The following ATRNL1 variants were observed in gnomAD, a reference collection of about 807,000 sequenced individuals.
ATRNL1 encodes the protein attractin-like protein 1.
Under a neutral mutation model 182.7 loss-of-function variants are expected in ATRNL1, and 95 were observed. The ratio of observed to expected loss-of-function variants is 0.52; its 90% CI spans 0.44 to 0.62. ATRNL1 has a LOEUF of 0.62. Ranked by LOEUF, ATRNL1 falls within the 20% of genes least tolerant of loss-of-function variation. The probability of loss-of-function intolerance (pLI) is 0.00; values close to 1 mark genes in which losing one functional copy is unlikely to be tolerated. For missense variants in ATRNL1, 1,471 were observed against 1,679.5 expected (o/e 0.88, Z 2.17); for synonymous variants, 576 against 568.3 (o/e 1.01, Z -0.19).
At chr10:115,813,953 C>A (rs949787344) in intron 27 of ATRNL1, among the ~76,000 whole-genome samples, 1 of 152,042 alleles carries the variant, frequency 6.6e-6, no homozygotes, top group Admixed American at 6.6e-5. Flanking sequence ...AAAAGAAGAA[C>A]TTTATAAGTT....
chr10:115,686,486 C>A (rs1445656608), intron 26 of ATRNL1, among the ~76,000 whole-genome samples: 1 of 151,966 alleles, frequency 6.6e-6, no homozygotes, highest in Non-Finnish European at 1.5e-5. Context: ...CATTAATCTG[C>A]ATTTTTAGAA....
At chr10:115,482,850 C>CTTAAATA (rs1473545539) in intron 24 of ATRNL1, among the ~76,000 whole-genome samples, 1 of 151,102 alleles carries the variant, frequency 6.6e-6, no homozygotes, top group Non-Finnish European at 1.5e-5. Context: ...AGGTGAAGGT[C>CTTAAATA]TTAAATATTC....
intron 27 of ATRNL1, among the ~76,000 whole-genome samples, chr10:115,754,845 T>G (rs1238395992): frequency 6.6e-6 from 1 of 152,200 alleles, no homozygotes; most frequent in Non-Finnish European, 1.5e-5. Flanking sequence ...CTTATTTCCT[T>G]GAGCAGTGGT....
intron 26 of ATRNL1, among the ~76,000 whole-genome samples, chr10:115,708,566 T>C (rs142112152): frequency 1.6e-3 from 237 of 151,946 alleles, no homozygotes; most frequent in African/African-American, 5.1e-3. Flanking sequence ...GGGGACATAA[T>C]TTCAAGTGAC....
rs1187698139 is a variant in ATRNL1 at position 115,106,618 on chromosome 10, C to T, written c.293+12575C>T. 8.5e-5 allele frequency among the ~76,000 whole-genome samples: 13 copies of T among 152,222 alleles called. 1 individual carries two copies. The highest frequency in any genetic ancestry group is 4.2e-4 in the South Asian group (2 of 4,812). Reference sequence around the variant, plus strand: ...TTGAATCATGGGGGCCAGTCTTTCCCGTGCTATTCTCGTGATAGTGAGTAA... The same window carrying T: ...TTGAATCATGGGGGCCAGTCTTTCCTGTGCTATTCTCGTGATAGTGAGTAA... On this transcript the variant is annotated intron_variant, in intron 1 of 28. Coordinates refer to ENST00000355044, the MANE Select transcript of ATRNL1 (RefSeq NM_207303.4).
chr10:115,764,213 A>G (rs2960705), intron 27 of ATRNL1, among the ~76,000 whole-genome samples: 144,672 of 152,244 alleles, frequency 0.95, 69,151 homozygotes, highest in East Asian at 1. Context: ...GAGATTTCCT[A>G]TATACCTCCT....
intron 24 of ATRNL1, among the ~76,000 whole-genome samples, chr10:115,491,821 G>A (rs1194775859): frequency 7.2e-5 from 11 of 152,172 alleles, no homozygotes; most frequent in Non-Finnish European, 1.6e-4. Flanking sequence ...AGCTAGCTCA[G>A]TGTCTGCCCA....
intron 27 of ATRNL1, among the ~76,000 whole-genome samples, chr10:115,821,808 G>T (rs186413280): frequency 0.021 from 3,228 of 152,286 alleles, 54 homozygotes; most frequent in Non-Finnish European, 0.034. Flanking sequence ...CCTACAAAGA[G>T]ACTTAGACTC....
chr10:115,145,426 A>G (rs987873833), intron 5 of ATRNL1, among the ~76,000 whole-genome samples: 1 of 152,104 alleles, frequency 6.6e-6, no homozygotes, highest in African/African-American at 2.4e-5. Flanking sequence ...ATTGACCGAA[A>G]CTGTAAGAGC....
intron 21 of ATRNL1, among the ~76,000 whole-genome samples, chr10:115,442,303 C>CTCTCTCTCTCTCTCTGTGTGTG (rs782157017): frequency 1.5e-4 from 18 of 123,854 alleles, no homozygotes; most frequent in Non-Finnish European, 1.4e-4. Context: ...CTCTCTCTCT[C>CTCTCTCTCTCTCTCTGTGTGTG]TGTGTGTATG....
chr10:115,430,918 A>G (rs1846129766), intron 21 of ATRNL1, among the ~76,000 whole-genome samples: 1 of 152,164 alleles, frequency 6.6e-6, no homozygotes, highest in Non-Finnish European at 1.5e-5. Context: ...GGCCAAAAAT[A>G]TCAATAGTAT....
intron 26 of ATRNL1, among the ~76,000 whole-genome samples, chr10:115,667,917 T>A (rs1861095961): frequency 6.6e-6 from 1 of 151,998 alleles, no homozygotes; most frequent in Admixed American, 6.6e-5. Context: ...AGCCTGCCTC[T>A]GCCTCCCAAA....
chr10:115,680,287 A>G (rs1287159801), intron 26 of ATRNL1, among the ~76,000 whole-genome samples: 1 of 152,064 alleles, frequency 6.6e-6, no homozygotes, highest in Non-Finnish European at 1.5e-5. Flanking sequence ...TCTCTCTTCC[A>G]TCTAGTTACT....
chr10:115,461,431 A>G, intron 21 of ATRNL1, among the ~76,000 whole-genome samples: 1 of 152,206 alleles, frequency 6.6e-6, no homozygotes. Flanking sequence ...AAATTACTAA[A>G]AGTAGAAGTG....
At chr10:115,795,840 C>T (rs929478046) in intron 27 of ATRNL1, among the ~76,000 whole-genome samples, 5 of 152,146 alleles carry the variant, frequency 3.3e-5, no homozygotes, top group African/African-American at 4.8e-5. Flanking sequence ...CTTCAACACT[C>T]GGGATCACAA....
chr10:115,103,747 A>C (rs1400790187), intron 1 of ATRNL1, among the ~76,000 whole-genome samples: 1 of 152,212 alleles, frequency 6.6e-6, no homozygotes, highest in Non-Finnish European at 1.5e-5. Context: ...CCATGAATTC[A>C]ACTATTTTAA....
chr10:115,573,218 G>A (rs1456808102), intron 26 of ATRNL1, among the ~76,000 whole-genome samples: 5 of 152,106 alleles, frequency 3.3e-5, no homozygotes, highest in East Asian at 1.9e-4. Flanking sequence ...ATGGGGAGCC[G>A]GAAGCAGGGA....
intron 19 of ATRNL1, among the ~76,000 whole-genome samples, chr10:115,341,045 T>G (rs1178630588): frequency 6.6e-6 from 1 of 151,984 alleles, no homozygotes. Context: ...GCTTTGATCT[T>G]TCTTATTTTC....
chr10:115,148,889 A>G (rs1165450670), intron 5 of ATRNL1, among the ~76,000 whole-genome samples: 1 of 151,864 alleles, frequency 6.6e-6, no homozygotes, highest in African/African-American at 2.4e-5. Flanking sequence ...AGCTGGGACT[A>G]CAGGTGTGCG....
Sources: gnomAD v4.1 joint callset for allele counts (sites outside exome capture counted in the v4.1 genomes callset) on GRCh38, gnomAD v4.1.1 for gene constraint, MANE v1.5 for transcripts, NCBI Gene and HGNC (gene_info 2026-07-23, HGNC 2026-07-21) for gene names.